The following SHC4 variants were observed in gnomAD, a reference collection of about 807,000 sequenced individuals.
The protein encoded by SHC4 is SHC adaptor protein 4, also known as SHC-transforming protein 4.
SHC4 carries 41 observed loss-of-function variants against 69.4 expected under a neutral mutation model. The ratio of observed to expected loss-of-function variants is 0.59; its 90% CI spans 0.46 to 0.77. The LOEUF is 0.77. Ranked by LOEUF, SHC4 falls within the 30% of genes least tolerant of loss-of-function variation. SHC4 has a pLI of 0.00. For synonymous variants in SHC4, 318 were observed against 299.3 expected (o/e 1.06, Z -0.64); for missense variants, 777 against 783.8 (o/e 0.99, Z 0.10).
At chr15:48,844,795 G>A (rs139612010) in intron 9 of SHC4, among the ~76,000 whole-genome samples, 3 of 152,212 alleles carry the variant, frequency 2.0e-5, no homozygotes, top group Admixed American at 1.3e-4. Flanking sequence ...TGGGAGTTCC[G>A]CTGCACAAGC....
chr15:48,959,197 C>T (rs142971306), intron 1 of SHC4, among the ~76,000 whole-genome samples: 9 of 152,236 alleles, frequency 5.9e-5, no homozygotes, highest in African/African-American at 2.2e-4. Context: ...ACTTTTTACC[C>T]AAGAGTAATA....
At chr15:48,955,381 A>G (rs1901432891) in intron 1 of SHC4, among the ~76,000 whole-genome samples, 1 of 152,142 alleles carries the variant, frequency 6.6e-6, no homozygotes, top group Non-Finnish European at 1.5e-5. Context: ...TCTCCTGGTG[A>G]TGGAACTGTC....
chr15:48,915,587 C>T (rs567104653), intron 2 of SHC4, among the ~76,000 whole-genome samples: 14 of 152,232 alleles, frequency 9.2e-5, no homozygotes, highest in Admixed American at 4.6e-4. Context: ...CACCAGTGCT[C>T]GCTGAGGGGA....
intron 3 of SHC4, 139 bp from the exon 4 acceptor site, chr15:48,884,506 G>A: frequency 1.4e-6 from 1 of 714,474 alleles, no homozygotes. Flanking sequence ...TCAAATGAAA[G>A]GGAATGGTTT....
At chr15:48,854,981 G>C (rs1474707988) in intron 8 of SHC4, among the ~76,000 whole-genome samples, 1 of 152,014 alleles carries the variant, frequency 6.6e-6, no homozygotes, top group Non-Finnish European at 1.5e-5. Context: ...ATTGAATTTA[G>C]TACACATGTA....
intron 2 of SHC4, among the ~76,000 whole-genome samples, chr15:48,905,810 G>T (rs1900396316): frequency 6.6e-6 from 1 of 152,160 alleles, no homozygotes; most frequent in Non-Finnish European, 1.5e-5. Flanking sequence ...TTCTTGCTTA[G>T]GCTAGTGAAT....
chr15:48,857,780 G>A lies in SHC4; in HGVS notation c.982C>T (p.Gln328Ter), dbSNP rs1457564468. The A allele has an allele frequency of 6.3e-7, 1 of 1,591,448 alleles. No homozygotes were observed. The highest frequency in any genetic ancestry group is 1.7e-5 in the Admixed American group (1 of 58,532). ...TGCCCTATGGTACTTATGACGTCTTGGGCCATTCCATTGTGGCATTCCAAT... is the reference window on the plus strand; with the variant it reads ...TGCCCTATGGTACTTATGACGTCTTAGGCCATTCCATTGTGGCATTCCAAT... ...HILECHNGMA[Q>*]DVISTIGQAF... Residue 328 changes from glutamine to a stop codon, truncating the protein, a stop_gained, in exon 7 of 12, where the codon CAA becomes TAA. Transcript: ENST00000332408. LOFTEE classifies it high-confidence loss of function.
intron 1 of SHC4, among the ~76,000 whole-genome samples, chr15:48,951,425 C>A (rs1901362858): frequency 1.3e-5 from 2 of 152,230 alleles, no homozygotes; most frequent in South Asian, 4.1e-4. Context: ...CCTCTCTGAG[C>A]ATTGCAGCCC....
At chr15:48,883,514 A>G (rs1049932138) in intron 4 of SHC4, among the ~76,000 whole-genome samples, 1 of 152,238 alleles carries the variant, frequency 6.6e-6, no homozygotes, top group African/African-American at 2.4e-5. Context: ...ATCACAACAT[A>G]TTAGACAAAG....
At chr15:48,943,968 G>A (rs984550875) in intron 1 of SHC4, among the ~76,000 whole-genome samples, 5 of 151,944 alleles carry the variant, frequency 3.3e-5, no homozygotes, top group South Asian at 2.1e-4. Flanking sequence ...TGTTAGTAAG[G>A]TAGAAAGAGG....
At chr15:48,909,746 T>C (rs1050284809) in intron 2 of SHC4, among the ~76,000 whole-genome samples, 1 of 152,214 alleles carries the variant, frequency 6.6e-6, no homozygotes, top group Non-Finnish European at 1.5e-5. Flanking sequence ...CCAATTTTGC[T>C]GAGAGTTTTA....
At position 48,911,077 on chromosome 15, in the gene SHC4, A is replaced by G. The variant is rs1351839931; in HGVS notation, c.656+13802T>C. 3.3e-5 allele frequency among the ~76,000 whole-genome samples: 5 copies of G among 152,178 alleles called. No homozygotes were observed. In the East Asian group the frequency reaches 9.7e-4, roughly 30 times the overall value. Reference sequence around the variant, plus strand: ...TGAAATGTTCTGTATATATCTGTTCAGTCCACTTGTTCCAAGATATAGTTT... The same window carrying G: ...TGAAATGTTCTGTATATATCTGTTCGGTCCACTTGTTCCAAGATATAGTTT... On this transcript the variant is annotated intron_variant, in intron 2 of 11. Coordinates refer to ENST00000332408, the MANE Select transcript of SHC4 (RefSeq NM_203349.4).
Position 48,857,857 on chromosome 15 carries a change from T to C in SHC4, c.947-42A>G, listed in dbSNP as rs771672141. 7.0e-6 allele frequency: 10 copies of C among 1,434,434 alleles called. No individual in the cohort carries two copies. In the Admixed American group the frequency reaches 7.3e-5, roughly 10 times the overall value. The allele number at this position is 1,434,434 out of a possible 1,614,324, so 88.9% of individuals were successfully genotyped here. ...AAAAAATAATATTATAATAAATTTT[T>C]AGAAAGAGAAGATTACATAAAATCA... is the stretch of plus-strand genomic sequence containing the variant. On this transcript the variant is annotated intron_variant, in intron 6 of 11. Transcript: ENST00000332408.
Position 48,962,843 on chromosome 15 carries a change from G to T in SHC4, c.173C>A (p.Pro58His). 5 of 1,612,918 alleles carry T rather than the reference G, an allele frequency of 3.1e-6. No individual in the cohort carries two copies. The highest frequency in any genetic ancestry group is 3.4e-6 in the Non-Finnish European group (4 of 1,179,996). ...GSVGNKGSPQPPHPALAPHLP... is the reference protein window; with the variant it reads ...GSVGNKGSPQHPHPALAPHLP... ...GTGAGGTGCCAGGGCGGGGTGGGGA[G>T]GCTGCGGCGAGCCCTTGTTCCCGAC... The change falls in exon 1 of 12, where the codon CCT becomes CAT. Residue 58 changes from proline to histidine, a missense_variant. By Grantham distance (77) the Pro-to-His change is moderately conservative. Transcript: ENST00000332408.
chr15:48,843,493 T>A lies in SHC4; in HGVS notation c.1399A>T (p.Asn467Tyr). The A allele has an allele frequency of 6.2e-7, 1 of 1,614,158 alleles. No individual in the cohort carries two copies. Among genetic ancestry groups the A allele is most frequent in the Non-Finnish European group, 8.5e-7 (1 of 1,180,008 alleles). ...GGTGTACTTTGAAGAGCCTGTGTAT[T>A]AATGTAGCAGGGGTCATCAAAGAGA... ...VDLFDDPCYINTQALQSTPGS... is the reference protein window; with the variant it reads ...VDLFDDPCYIYTQALQSTPGS... Residue 467 changes from asparagine (N) to tyrosine (Y), a missense_variant, in exon 10 of 12, where the codon AAT becomes TAT. By Grantham distance (143) the Asn-to-Tyr change is moderately radical. Transcript: ENST00000332408.
chr15:48,834,787 CAGG>C lies in SHC4; in HGVS notation c.1716_1718del (p.Leu573del), dbSNP rs1158328186. 1.4e-5 allele frequency: 23 copies of C among 1,614,000 alleles called. No individual in the cohort carries two copies. Among genetic ancestry groups the C allele is most frequent in the Non-Finnish European group, 1.9e-5 (23 of 1,180,000 alleles). ...ATGATACCTTGCCTTCAGGATCCAC[CAGG>C]AGAAGATGTTTTGCTTGGCCTCCCT... is the stretch of plus-strand genomic sequence containing the variant. On this transcript the variant is annotated inframe_deletion, in exon 11 of 12. Coordinates refer to ENST00000332408, the MANE Select transcript of SHC4 (RefSeq NM_203349.4).
At chr15:48,922,829 T>C (rs1409872980) in intron 2 of SHC4, among the ~76,000 whole-genome samples, 3 of 151,300 alleles carry the variant, frequency 2.0e-5, no homozygotes, top group Non-Finnish European at 4.4e-5. Context: ...GAGTAAACCC[T>C]GAAATATGTC....
intron 7 of SHC4, among the ~76,000 whole-genome samples, chr15:48,857,479 C>T (rs931680813): frequency 1.3e-5 from 2 of 151,756 alleles, no homozygotes; most frequent in African/African-American, 4.8e-5. Flanking sequence ...AATCTTGTTA[C>T]AAAGCAAGAG....
At chr15:48,939,247 C>A (rs1420968048) in intron 1 of SHC4, among the ~76,000 whole-genome samples, 4 of 152,068 alleles carry the variant, frequency 2.6e-5, no homozygotes, top group Non-Finnish European at 5.9e-5. Context: ...ATGCAAGGGG[C>A]TATGGGAGTG....
Sources: allele counts gnomAD v4.1 joint callset (sites outside exome capture counted in the v4.1 genomes callset), GRCh38; gene constraint gnomAD v4.1.1; transcripts MANE v1.5; gene names NCBI Gene and HGNC (gene_info 2026-07-23, HGNC 2026-07-21).